The following GALNT10 variants were observed in gnomAD, a reference collection of about 807,000 sequenced individuals.
The protein encoded by GALNT10 is GalNAc transferase 10.
A neutral mutation model predicts 75.0 loss-of-function variants in GALNT10; 41 were observed. That is an observed-to-expected ratio of 0.55 (90% confidence interval 0.43 to 0.71). The LOEUF (loss-of-function observed/expected upper bound fraction) is 0.71. Among genes scored for constraint, GALNT10 ranks in the 30% least tolerant of loss-of-function variants. GALNT10 has a pLI of 0.00. For missense variants in GALNT10, 727 were observed against 818.5 expected, an observed-to-expected ratio of 0.89 and a Z score of 1.36; for synonymous variants, 302 against 313.0, an observed-to-expected ratio of 0.96 and a Z score of 0.37.
At chr5:154,321,389 C>T (rs1017321183) in intron 3 of GALNT10, among the ~76,000 whole-genome samples, 21 of 152,008 alleles carry the variant, frequency 1.4e-4, no homozygotes, top group Non-Finnish European at 2.4e-4. Context: ...GCTGCAACCT[C>T]GTCTGCCTCC....
chr5:154,212,249 A>G (rs1020603546), intron 1 of GALNT10, among the ~76,000 whole-genome samples: 13 of 152,234 alleles, frequency 8.5e-5, no homozygotes, highest in Admixed American at 2.6e-4. Flanking sequence ...GAAGGAACTG[A>G]CACTGCCTTC....
chr5:154,403,988 C>G, intron 7 of GALNT10, 116 bp from the exon 8 acceptor site: 1 of 812,468 alleles, frequency 1.2e-6, no homozygotes, highest in Non-Finnish European at 2.2e-6. Context: ...GTGATCCAGG[C>G]TTCAGCAGAC....
rs114201690 is a variant in GALNT10 at position 154,409,791 on chromosome 5, T to C, written c.1386+29T>C. On this transcript the variant is annotated intron_variant, in intron 9 of 11. Coordinates refer to ENST00000297107, the MANE Select transcript of GALNT10 (RefSeq NM_198321.4). The surrounding 1 kb of genome is among the most constrained non-coding windows in gnomAD (Gnocchi z 4.5). ...AGTCTGGAGGGCAGGGCTGGCTCCA[T>C]AATTTAATGGGTGTGCAAAATGCAA... 1.4e-6 allele frequency: 2 copies of C among 1,442,614 alleles called. No individual in the cohort carries two copies. Among genetic ancestry groups the C allele is most frequent in the Non-Finnish European group, 2.0e-6 (2 of 1,024,194 alleles). 89.4% of individuals were successfully genotyped at this position (1,442,614 alleles called of 1,614,324 possible). A position where few individuals can be genotyped will look rare whatever the true frequency, so the allele number is the denominator to read the frequency against.
At chr5:154,228,387 G>T (rs1053124824) in intron 1 of GALNT10, among the ~76,000 whole-genome samples, 5 of 152,120 alleles carry the variant, frequency 3.3e-5, no homozygotes, top group Non-Finnish European at 7.3e-5. Flanking sequence ...GCCCATATAT[G>T]CATATGTATA....
rs373338890 is a variant in GALNT10 at position 154,294,842 on chromosome 5, G to A, written c.186G>A (p.Thr62=). The change falls in exon 2 of 12, where the codon ACG becomes ACA. Residue 62 remains threonine (T), a synonymous_variant. Transcript: ENST00000297107. The part of the protein sequence containing the change: ...GQGSHSRQKK[T]FFLGDGQKLK... Reference sequence around the variant, plus strand: ...GCTCACACAGTCGACAAAAGAAAACGTTTTTCTTGGGAGATGGGCAGAAGC... The same window carrying A: ...GCTCACACAGTCGACAAAAGAAAACATTTTTCTTGGGAGATGGGCAGAAGC... 34 of 1,601,568 alleles carry A rather than the reference G, an allele frequency of 2.1e-5. No individual in the cohort carries two copies. The highest frequency in any genetic ancestry group is 1.7e-4 in the African/African-American group (13 of 74,770).
intron 1 of GALNT10, among the ~76,000 whole-genome samples, chr5:154,266,746 G>A (rs1753780172): frequency 6.6e-6 from 1 of 152,058 alleles, no homozygotes; most frequent in Admixed American, 6.6e-5. Context: ...GCGGGGTGTG[G>A]TGGTGCCTAC....
intron 6 of GALNT10, among the ~76,000 whole-genome samples, chr5:154,384,269 G>A (rs1216277624): frequency 6.6e-6 from 1 of 152,126 alleles, no homozygotes; most frequent in Non-Finnish European, 1.5e-5. Flanking sequence ...TCACTCCATT[G>A]TTTAGATGGG....
intron 3 of GALNT10, among the ~76,000 whole-genome samples, chr5:154,325,353 T>C (rs1158820724): frequency 1.3e-5 from 2 of 152,168 alleles, no homozygotes; most frequent in Admixed American, 1.3e-4. Context: ...AATAAGTAGC[T>C]ATATTAATGT....
intron 4 of GALNT10, among the ~76,000 whole-genome samples, chr5:154,336,244 A>T (rs1023010378): frequency 2.0e-5 from 3 of 152,210 alleles, no homozygotes; most frequent in African/African-American, 7.2e-5. Context: ...ACTGAAGGAC[A>T]TCTTGGCTGC....
Position 154,409,550 on chromosome 5 carries a change from C to A in GALNT10, c.1174C>A (p.Arg392=). 5 of 1,610,966 alleles carry A rather than the reference C, an allele frequency of 3.1e-6. No individual in the cohort carries two copies. Among genetic ancestry groups the A allele is most frequent in the Non-Finnish European group, 4.2e-6 (5 of 1,177,158 alleles). Residue 392 remains arginine (R), a synonymous_variant, in exon 9 of 12, where the codon CGG becomes AGG. Coordinates refer to ENST00000297107, the MANE Select transcript of GALNT10 (RefSeq NM_198321.4). The surrounding 1 kb of genome is among the most constrained non-coding windows in gnomAD (Gnocchi z 4.5). ...GCTTCTTGCCCCATAGAACCTTAAG[C>A]GGGTGGCCGAAGTGTGGATGGATGA... ...AGVSLARNLK[R]VAEVWMDEYA...
intron 3 of GALNT10, among the ~76,000 whole-genome samples, chr5:154,308,781 C>A (rs1754469989): frequency 6.6e-6 from 1 of 152,196 alleles, no homozygotes. Context: ...AAGAGATAGT[C>A]CCTGTCTTGA....
At chr5:154,191,061 C>G (rs1461329600) in intron 1 of GALNT10, 36 bp downstream of exon 1, 1 of 1,336,466 alleles carries the variant, frequency 7.5e-7, no homozygotes, top group East Asian at 3.0e-5. Context: ...GGGAACACCC[C>G]CTTCCCGAAT....
At chr5:154,214,690 G>A (rs955136216) in intron 1 of GALNT10, among the ~76,000 whole-genome samples, 3 of 152,142 alleles carry the variant, frequency 2.0e-5, no homozygotes, top group Non-Finnish European at 4.4e-5. Context: ...ACAAAGTGAC[G>A]GGAAGGGATT....
At chr5:154,355,732 G>A (rs1214953072) in intron 4 of GALNT10, among the ~76,000 whole-genome samples, 1 of 150,852 alleles carries the variant, frequency 6.6e-6, no homozygotes. Context: ...TATCTGACAT[G>A]CTGGGGCTAA....
At chr5:154,301,562 GTT>G (rs371007487) in intron 3 of GALNT10, among the ~76,000 whole-genome samples, 2,235 of 129,610 alleles carry the variant, frequency 0.017, 54 homozygotes, top group African/African-American at 0.059. Flanking sequence ...TTGTTTTTTT[GTT>G]TTTTTTTTTT....
chr5:154,252,588 A>G (rs1300755615), intron 1 of GALNT10, among the ~76,000 whole-genome samples: 1 of 150,838 alleles, frequency 6.6e-6, no homozygotes, highest in East Asian at 1.9e-4. Flanking sequence ...CTTTTTTTCT[A>G]GATATCTAAA....
chr5:154,417,054 G>A lies in GALNT10; in HGVS notation c.*82G>A. The stretch of plus-strand genomic sequence containing the variant: ...CTTTCAAGGGAGGCAGGGCCCCTGT[G>A]GGCACTAGGTGTAAAAGGTGCTGGC... On this transcript the variant is annotated 3_prime_UTR_variant, in exon 12 of 12. Transcript: ENST00000297107. The A allele has an allele frequency of 7.7e-7, 1 of 1,298,288 alleles. No homozygotes were observed. Among genetic ancestry groups the A allele is most frequent in the Non-Finnish European group, 1.1e-6 (1 of 910,034 alleles). The allele number at this position is 1,298,288 out of a possible 1,614,324, so 80.4% of individuals were successfully genotyped here.
intron 6 of GALNT10, among the ~76,000 whole-genome samples, chr5:154,382,799 G>A (rs1755752809): frequency 6.6e-6 from 1 of 152,222 alleles, no homozygotes; most frequent in Admixed American, 6.5e-5. Context: ...GACAGGTCTT[G>A]GCCCATCGTT....
intron 1 of GALNT10, among the ~76,000 whole-genome samples, chr5:154,202,346 C>T (rs1207958169): frequency 6.6e-6 from 1 of 152,178 alleles, no homozygotes; most frequent in African/African-American, 2.4e-5. Flanking sequence ...GGGCACAGCT[C>T]GGTGTGGTGG....
Sources: allele counts gnomAD v4.1 joint callset (sites outside exome capture counted in the v4.1 genomes callset), GRCh38; gene constraint gnomAD v4.1.1; non-coding constraint Gnocchi (gnomAD v3.1); transcripts MANE v1.5; gene names NCBI Gene and HGNC (gene_info 2026-07-23, HGNC 2026-07-21).